The following TEX10 variants were observed in gnomAD, a reference collection of about 807,000 sequenced individuals.
The protein encoded by TEX10 is testis-expressed protein 10.
A neutral mutation model predicts 104.4 loss-of-function variants in TEX10; 24 were observed. The observed-to-expected ratio is 0.23, with a 90% CI of 0.17 to 0.32. The LOEUF (loss-of-function observed/expected upper bound fraction) is 0.32, where lower values mean the gene tolerates loss of function less well. Among genes scored for constraint, TEX10 ranks in the 10% least tolerant of loss-of-function variants. The probability of loss-of-function intolerance (pLI) is 1.00; values close to 1 mark genes in which losing one functional copy is unlikely to be tolerated. For missense variants in TEX10, 921 were observed against 1,083.9 expected, an observed-to-expected ratio of 0.85 and a Z score of 2.11; for synonymous variants, 396 against 393.4, an observed-to-expected ratio of 1.01 and a Z score of -0.08.
At chr9:100,339,999 A>T (rs1413524618) in intron 5 of TEX10, among the ~76,000 whole-genome samples, 1 of 152,172 alleles carries the variant, frequency 6.6e-6, no homozygotes, top group Non-Finnish European at 1.5e-5. Flanking sequence ...AATTTTATTA[A>T]ATTCGTATTT....
intron 11 of TEX10, among the ~76,000 whole-genome samples, chr9:100,316,727 A>G (rs529907092): frequency 1.2e-3 from 185 of 152,166 alleles, no homozygotes; most frequent in African/African-American, 4.3e-3. Context: ...CCAACCTTCC[A>G]AGTAGCTAGT....
At chr9:100,325,688 G>A (rs192123654) in intron 9 of TEX10, among the ~76,000 whole-genome samples, 186 of 152,148 alleles carry the variant, frequency 1.2e-3, no homozygotes, top group African/African-American at 4.2e-3. Flanking sequence ...GCACCATCAT[G>A]CCCAGCTAAT....
intron 5 of TEX10, among the ~76,000 whole-genome samples, chr9:100,330,608 G>A (rs1032993411): frequency 3.9e-5 from 6 of 152,118 alleles, no homozygotes; most frequent in African/African-American, 1.4e-4. Flanking sequence ...TTTCTCACAT[G>A]TGAAATAAGG....
chr9:100,322,331 T>C (rs1006824032), intron 9 of TEX10, among the ~76,000 whole-genome samples: 1 of 152,160 alleles, frequency 6.6e-6, no homozygotes, highest in African/African-American at 2.4e-5. Flanking sequence ...TCAAAAGGAA[T>C]AGCTAAATGT....
Position 100,346,309 on chromosome 9 carries a change from C to A in TEX10, c.900G>T (p.Leu300=). 6.2e-7 allele frequency: 1 copy of A among 1,612,352 alleles called. No homozygotes were observed. ...NVSSQFRLRY[L]VGGLSGVDEG... ...CATCCACACCACTCAGTCCTCCAAC[C>A]AGATACCTAATAAGGGTAAGAAAGA... is the stretch of plus-strand genomic sequence containing the variant. Residue 300 remains leucine (L), a synonymous_variant, in exon 4 of 15, where the codon CTG becomes CTT. Transcript: ENST00000374902.
intron 11 of TEX10, among the ~76,000 whole-genome samples, chr9:100,316,894 T>TAAAAAAAA (rs35651841): frequency 5.6e-5 from 3 of 53,446 alleles, no homozygotes; most frequent in African/African-American, 1.6e-4. Flanking sequence ...TTATAATAGC[T>TAAAAAAAA]AAAAAAAAAA....
chr9:100,337,619 A>G (rs1382194701), intron 5 of TEX10, among the ~76,000 whole-genome samples: 2 of 152,192 alleles, frequency 1.3e-5, no homozygotes, highest in African/African-American at 4.8e-5. Flanking sequence ...GACTGAACCA[A>G]AAGTCTTCAA....
chr9:100,331,296 G>C (rs35439180), intron 5 of TEX10, among the ~76,000 whole-genome samples: 1,669 of 152,036 alleles, frequency 0.011, 17 homozygotes, highest in African/African-American at 0.016. Flanking sequence ...AATAAGCCAG[G>C]CATGCTGGCA....
intron 13 of TEX10, chr9:100,307,677 C>T (rs983120490): frequency 2.6e-5 from 4 of 151,684 alleles, no homozygotes; most frequent in African/African-American, 4.8e-5. Flanking sequence ...CAGAGGGGTA[C>T]GTAGAAGACA....
chr9:100,348,857 G>C lies in TEX10; in HGVS notation c.180+327C>G, dbSNP rs925263604. ...GCCCAGAAGGTCCTGGCTGCAGTGA[G>C]CCATGATAGCACCCCATTGTGCTCA... On this transcript the variant is annotated intron_variant, in intron 2 of 14. Transcript: ENST00000374902. 4.6e-5 allele frequency among the ~76,000 whole-genome samples: 7 copies of C among 152,290 alleles called. No homozygotes were observed. The East Asian group carries it at 1.4e-3, about 29-fold the overall frequency.
Position 100,330,181 on chromosome 9 carries a change from G to C in TEX10, c.1251-12C>G. ...TGCAATGCTTGATGCTAGAAACAAAGACACACACATCTATAAAGCATTACG... is the reference window on the plus strand; with the variant it reads ...TGCAATGCTTGATGCTAGAAACAAACACACACACATCTATAAAGCATTACG... On this transcript the variant is annotated splice_polypyrimidine_tract_variant and intron_variant, in intron 5 of 14. Transcript: ENST00000374902. The C allele has an allele frequency of 6.5e-7, 1 of 1,543,094 alleles. No individual in the cohort carries two copies. Among genetic ancestry groups the C allele is most frequent in the Non-Finnish European group, 8.9e-7 (1 of 1,121,746 alleles).
intron 13 of TEX10, chr9:100,307,928 CCTT>C (rs1164687025): frequency 6.6e-6 from 1 of 152,112 alleles, no homozygotes; most frequent in Non-Finnish European, 1.5e-5. Flanking sequence ...GGTTTTAAAA[CCTT>C]CTACAATGAA....
intron 1 of TEX10, among the ~76,000 whole-genome samples, chr9:100,351,581 A>C (rs1401645979): frequency 6.6e-6 from 1 of 152,168 alleles, no homozygotes; most frequent in African/African-American, 2.4e-5. Flanking sequence ...ATTCAGAAAA[A>C]TTAACTCCCT....
chr9:100,335,661 T>C (rs1834988077), intron 5 of TEX10, among the ~76,000 whole-genome samples: 2 of 152,094 alleles, frequency 1.3e-5, no homozygotes, highest in African/African-American at 4.8e-5. Context: ...CCTAAGATAC[T>C]AACAGTTTTA....
At chr9:100,307,209 A>G (rs1834162602) in intron 13 of TEX10, 1 of 152,076 alleles carries the variant, frequency 6.6e-6, no homozygotes, top group Admixed American at 6.5e-5. Context: ...TGCATGTAAC[A>G]GAATACTATA....
chr9:100,313,150 T>A (rs1834320642), intron 11 of TEX10, among the ~76,000 whole-genome samples: 1 of 152,156 alleles, frequency 6.6e-6, no homozygotes, highest in African/African-American at 2.4e-5. Context: ...TATTACTTCA[T>A]GAAAAAATGA....
intron 1 of TEX10, among the ~76,000 whole-genome samples, chr9:100,351,256 G>A (rs1835434359): frequency 6.6e-6 from 1 of 151,386 alleles, no homozygotes; most frequent in South Asian, 2.1e-4. Context: ...TAACATACCA[G>A]AATTAACCTG....
At chr9:100,315,348 G>A (rs1428001545) in intron 11 of TEX10, among the ~76,000 whole-genome samples, 1 of 151,866 alleles carries the variant, frequency 6.6e-6, no homozygotes, top group African/African-American at 2.4e-5. Context: ...CTGAGACTGG[G>A]GTGTTAAAGC....
Position 100,330,134 on chromosome 9 carries a change from T to A in TEX10, c.1286A>T (p.Asp429Val). 1 of 1,613,580 alleles carries A rather than the reference T, an allele frequency of 6.2e-7. No homozygotes were observed. Among genetic ancestry groups the A allele is most frequent in the East Asian group, 2.2e-5 (1 of 44,882 alleles). Residue 429 changes from aspartate (D) to valine (V), a missense_variant, in exon 6 of 15, where the codon GAT becomes GTT. Physicochemically the swap from Asp to Val is radical, Grantham distance 152 (BLOSUM62 -3). This residue lies in a region of TEX10 where 753 missense variants were observed against 868.4 expected (regional missense o/e 0.87). Coordinates refer to ENST00000374902, the MANE Select transcript of TEX10 (RefSeq NM_017746.4). ...CAGTGTTAAATTCAGTAAGAGATGA[T>A]CTATGTTATTGGAGAGAACTGTGCA... The part of the protein sequence containing the change: ...KHCTVLSNNI[D>V]HLLLNLTLSD...
Sources: allele counts gnomAD v4.1 joint callset (sites outside exome capture counted in the v4.1 genomes callset), GRCh38; gene constraint gnomAD v4.1.1; regional missense constraint gnomAD v4.1.1; transcripts MANE v1.5; gene names NCBI Gene and HGNC (gene_info 2026-07-23, HGNC 2026-07-21).